KYAT3: variants seen among roughly 807,000 people sequenced by gnomAD.
KYAT3 encodes kynurenine--oxoglutarate transaminase 3.
Under a neutral mutation model 59.0 loss-of-function variants are expected in KYAT3, and 50 were observed. That is an observed-to-expected ratio of 0.85 (90% CI 0.68 to 1.07). The LOEUF is 1.07. Ranked by LOEUF, KYAT3 falls within the 50% of genes least tolerant of loss-of-function variation. The pLI, the probability that KYAT3 is intolerant of heterozygous loss-of-function variation, is 0.00. For missense variants in KYAT3, 497 were observed against 533.3 expected (o/e 0.93, Z 0.67); for synonymous variants, 148 against 177.0 (o/e 0.84, Z 1.30).
intron 8 of KYAT3, 145 bp downstream of exon 8, chr1:88,961,022 C>T: frequency 1.4e-6 from 1 of 703,546 alleles, no homozygotes; most frequent in Non-Finnish European, 2.4e-6. Context: ...AAGTATTGCT[C>T]ATTTAAATAC....
chr1:88,964,011 T>C (rs1676244313), intron 5 of KYAT3, among the ~76,000 whole-genome samples: 1 of 152,224 alleles, frequency 6.6e-6, no homozygotes, highest in African/African-American at 2.4e-5. Flanking sequence ...GAGACCAGAC[T>C]GGCCAACATG....
In KYAT3 at chr1:88,988,336, C is replaced by T; in HGVS notation, c.15G>A (p.Gln5=). 6.2e-7 allele frequency: 1 copy of T among 1,611,876 alleles called. No homozygotes were observed. The highest frequency in any genetic ancestry group is 8.5e-7 in the Non-Finnish European group (1 of 1,178,684). MFLA[Q]RSLCSLSGRA... is the part of the protein sequence containing the mutation. Reference sequence around the variant, plus strand: ...TACCGCTAAGAGAGCAGAGGCTCCTCTGGGCCAAAAACATGCTATTAAATA... The same window carrying T: ...TACCGCTAAGAGAGCAGAGGCTCCTTTGGGCCAAAAACATGCTATTAAATA... The change falls in exon 2 of 14, where the codon CAG becomes CAA. Residue 5 remains glutamine, a synonymous_variant. Transcript: ENST00000260508.
chr1:88,981,257 A>C (rs1451667606), intron 2 of KYAT3: 2 of 152,184 alleles, frequency 1.3e-5, no homozygotes, highest in Non-Finnish European at 2.9e-5. Flanking sequence ...AAGCCACCAC[A>C]AAAAAATGTT....
At chr1:88,983,018 C>A in intron 2 of KYAT3, 2 of 1,612,938 alleles carry the variant, frequency 1.2e-6, no homozygotes, top group Non-Finnish European at 1.7e-6. Flanking sequence ...TGAATAGTCA[C>A]GATCACGACC....
chr1:88,963,779 C>G (rs949709433), intron 5 of KYAT3, among the ~76,000 whole-genome samples: 4 of 152,152 alleles, frequency 2.6e-5, no homozygotes, highest in African/African-American at 9.6e-5. Context: ...ATGAAAGAGG[C>G]AAAAAGTATT....
downstream of KYAT3, among the ~76,000 whole-genome samples, chr1:88,930,968 G>C (rs1438627236): frequency 6.6e-6 from 1 of 152,076 alleles, no homozygotes; most frequent in Non-Finnish European, 1.5e-5. Context: ...CCTAGTGTGG[G>C]GTAATCCCCT....
intron 2 of KYAT3, among the ~76,000 whole-genome samples, chr1:88,975,170 A>G (rs1427320169): frequency 6.6e-6 from 1 of 152,172 alleles, no homozygotes; most frequent in Non-Finnish European, 1.5e-5. Context: ...ATCTGAAGGA[A>G]CAAACTCCAG....
the KYAT3 span, among the ~76,000 whole-genome samples, chr1:88,923,022 C>A: frequency 2.6e-5 from 4 of 152,128 alleles, no homozygotes. Context: ...ACGGAGAAGA[C>A]AGAACTGTGA....
the KYAT3 span, among the ~76,000 whole-genome samples, chr1:88,925,313 G>A: frequency 6.6e-6 from 1 of 152,166 alleles, no homozygotes; most frequent in African/African-American, 2.4e-5. Flanking sequence ...CTTTCCCTCT[G>A]ACCCATACCT....
intron 2 of KYAT3, among the ~76,000 whole-genome samples, chr1:88,975,566 CAAG>C (rs1186083332): frequency 6.6e-6 from 1 of 152,220 alleles, no homozygotes; most frequent in African/African-American, 2.4e-5. Context: ...CTAATTATCA[CAAG>C]AAGGATAATA....
intron 2 of KYAT3, among the ~76,000 whole-genome samples, chr1:88,972,415 C>A (rs1038172892): frequency 6.6e-6 from 1 of 152,184 alleles, no homozygotes; most frequent in Non-Finnish European, 1.5e-5. Flanking sequence ...ATAGTTATGC[C>A]TAGCACATAG....
intron 13 of KYAT3, among the ~76,000 whole-genome samples, chr1:88,942,569 AT>A (rs958903974): frequency 5.4e-5 from 8 of 148,232 alleles, no homozygotes; most frequent in Admixed American, 6.7e-5. Flanking sequence ...TAAGCAGTTA[AT>A]TTTTTTTTTT....
intron 3 of KYAT3, 86 bp from the exon 4 acceptor site, chr1:88,968,900 G>T: frequency 1.0e-6 from 1 of 978,056 alleles, no homozygotes; most frequent in Non-Finnish European, 1.5e-6. Flanking sequence ...CCACAAAACA[G>T]ACAAATAAGA....
intron 8 of KYAT3, among the ~76,000 whole-genome samples, chr1:88,955,670 T>G (rs552260836): frequency 2.6e-5 from 4 of 152,188 alleles, no homozygotes; most frequent in Admixed American, 1.3e-4. Flanking sequence ...CTGAGTGTAT[T>G]TCTCCAGGCT....
chr1:88,946,887 G>A (rs1675466421), intron 11 of KYAT3, among the ~76,000 whole-genome samples: 1 of 152,194 alleles, frequency 6.6e-6, no homozygotes, highest in African/African-American at 2.4e-5. Flanking sequence ...TGAAAGGAAG[G>A]AGAGTGTTTC....
At chr1:88,977,143 T>A (rs896217990) in intron 2 of KYAT3, among the ~76,000 whole-genome samples, 6 of 152,178 alleles carry the variant, frequency 3.9e-5, no homozygotes, top group African/African-American at 1.4e-4. Flanking sequence ...GCTTCCTGAG[T>A]AGCTGGGACT....
chr1:88,980,777 T>C (rs1677043609), intron 2 of KYAT3: 1 of 152,142 alleles, frequency 6.6e-6, no homozygotes, highest in Admixed American at 6.5e-5. Flanking sequence ...AGCCAAAAGG[T>C]CCTCACAGAA....
intron 10 of KYAT3, among the ~76,000 whole-genome samples, chr1:88,950,441 G>T (rs1177139515): frequency 1.3e-5 from 2 of 152,014 alleles, no homozygotes; most frequent in African/African-American, 4.8e-5. Flanking sequence ...AGAGCACCTA[G>T]CTGAAATGGA....
intron 11 of KYAT3, among the ~76,000 whole-genome samples, chr1:88,947,612 C>G (rs1196139036): frequency 6.6e-6 from 1 of 152,214 alleles, no homozygotes; most frequent in Non-Finnish European, 1.5e-5. Flanking sequence ...CCATGAAAGG[C>G]ACACTGCAAA....
Sources: allele counts gnomAD v4.1 joint callset (sites outside exome capture counted in the v4.1 genomes callset), GRCh38; gene constraint gnomAD v4.1.1; transcripts MANE v1.5; gene names NCBI Gene and HGNC (gene_info 2026-07-23, HGNC 2026-07-21).